ZNG1A: variants seen among roughly 807,000 people sequenced by gnomAD.
The protein encoded by ZNG1A is Zn regulated GTPase metalloprotein activator 1A.
the ZNG1A span, among the ~76,000 whole-genome samples, chr9:127,762 TTTTTCTAA>T: frequency 6.6e-5 from 10 of 152,316 alleles, no homozygotes; most frequent in African/African-American, 2.4e-4. Context: ...GTTTTTGTTG[TTTTTCTAA>T]TTGTATTTTT....
the ZNG1A span, among the ~76,000 whole-genome samples, chr9:140,333 C>T: frequency 6.6e-6 from 1 of 151,522 alleles, no homozygotes; most frequent in African/African-American, 2.4e-5. Context: ...GGCAGACTGC[C>T]TCCTCAAGTG....
At chr9:163,466 G>C in the ZNG1A span, among the ~76,000 whole-genome samples, 1 of 152,080 alleles carries the variant, frequency 6.6e-6, no homozygotes, top group Non-Finnish European at 1.5e-5. Context: ...ATTGGAAGTT[G>C]AGTGACATCG....
At chr9:151,063 C>T in the ZNG1A span, 5 of 985,328 alleles carry the variant, frequency 5.1e-6, no homozygotes, top group African/African-American at 7.0e-5. Context: ...GTGAGATTAT[C>T]AGAGACTTTC....
At chr9:165,020 C>A in the ZNG1A span, among the ~76,000 whole-genome samples, 1 of 152,142 alleles carries the variant, frequency 6.6e-6, no homozygotes, top group African/African-American at 2.4e-5. Context: ...CAATTTGACT[C>A]AAATAGGATT....
At chr9:161,419 G>C in the ZNG1A span, 1 of 396,820 alleles carries the variant, frequency 2.5e-6, no homozygotes, top group African/African-American at 2.2e-5. Context: ...AGTGAGCCAA[G>C]ATGGTGCCAC....
At chr9:159,836 T>C in the ZNG1A span, among the ~76,000 whole-genome samples, 1 of 152,130 alleles carries the variant, frequency 6.6e-6, no homozygotes. Flanking sequence ...TTCTTTTAAA[T>C]GGATTGGTTA....
chr9:172,881 C>G, the ZNG1A span: 9 of 282,366 alleles, frequency 3.2e-5, no homozygotes, highest in Non-Finnish European at 4.7e-5. Flanking sequence ...GAAAACTTAA[C>G]TAGTAGAACA....
the ZNG1A span, among the ~76,000 whole-genome samples, chr9:156,821 A>G: frequency 1.4e-4 from 22 of 152,216 alleles, no homozygotes; most frequent in African/African-American, 5.1e-4. Flanking sequence ...TTTGATTCAC[A>G]TAATGTCATA....
chr9:170,392 C>T, the ZNG1A span, among the ~76,000 whole-genome samples: 68 of 139,336 alleles, frequency 4.9e-4, 4 homozygotes, highest in Middle Eastern at 3.6e-3. Context: ...TGTGCATGTG[C>T]GTGTGTGTGT....
chr9:146,056 A>C, the ZNG1A span: 1 of 1,384,236 alleles, frequency 7.2e-7, no homozygotes, highest in Non-Finnish European at 9.7e-7. Context: ...ACTATGGGGA[A>C]AAAAGGTACA....
the ZNG1A span, chr9:135,178 T>C: frequency 6.7e-7 from 1 of 1,482,374 alleles, no homozygotes. Context: ...TGTTCGCAAA[T>C]TCCAATAGAG....
the ZNG1A span, among the ~76,000 whole-genome samples, chr9:132,266 G>T: frequency 6.7e-6 from 1 of 149,232 alleles, no homozygotes; most frequent in African/African-American, 2.6e-5. Context: ...GCTCACGCCT[G>T]TAATCCCAGC....
the ZNG1A span, among the ~76,000 whole-genome samples, chr9:142,062 A>G: frequency 6.9e-6 from 1 of 144,162 alleles, no homozygotes; most frequent in African/African-American, 2.7e-5. Flanking sequence ...GTGACCTACA[A>G]AGAGACTTAG....
chr9:141,299 G>A, the ZNG1A span, among the ~76,000 whole-genome samples: 422 of 128,694 alleles, frequency 3.3e-3, 33 homozygotes, highest in African/African-American at 0.013. Context: ...GAGAAAGCTC[G>A]GGTTACCCTC....
the ZNG1A span, among the ~76,000 whole-genome samples, chr9:139,035 T>C: frequency 5.3e-5 from 8 of 149,608 alleles, no homozygotes; most frequent in African/African-American, 2.0e-4. Flanking sequence ...ATGTCCATTT[T>C]CATGATCTTC....
chr9:170,633 GC>G, the ZNG1A span, among the ~76,000 whole-genome samples: 1 of 147,078 alleles, frequency 6.8e-6, no homozygotes, highest in Admixed American at 6.8e-5. Flanking sequence ...GGATCCACCT[GC>G]CTCAGCCTCC....
the ZNG1A span, among the ~76,000 whole-genome samples, chr9:144,778 A>C: frequency 1.3e-4 from 20 of 151,290 alleles, no homozygotes; most frequent in African/African-American, 3.4e-4. Context: ...AATGGGAGAA[A>C]ATTTTTGCAA....
the ZNG1A span, among the ~76,000 whole-genome samples, chr9:176,482 C>T: frequency 4.0e-5 from 6 of 151,112 alleles, no homozygotes; most frequent in East Asian, 1.2e-3. Flanking sequence ...GTAGGCTATA[C>T]ATGTCTTCTG....
chr9:174,048 G>A, the ZNG1A span, among the ~76,000 whole-genome samples: 182 of 151,762 alleles, frequency 1.2e-3, no homozygotes, highest in African/African-American at 4.3e-3. Context: ...TCAGGCGGCT[G>A]AGGCAGGAGA....
Sources: gnomAD v4.1 joint callset for allele counts (sites outside exome capture counted in the v4.1 genomes callset) on GRCh38, gnomAD v4.1.1 for gene constraint, MANE v1.5 for transcripts, NCBI Gene and HGNC (gene_info 2026-07-23, HGNC 2026-07-21) for gene names.